Variants in GSS observed in about 807,000 individuals in gnomAD.
The protein encoded by GSS is GSH synthetase.
In GSS, 34 loss-of-function variants were observed where a neutral mutation model predicts 60.4. The observed-to-expected ratio is 0.56, with a 90% CI of 0.43 to 0.75. The LOEUF is 0.75. Ranked by LOEUF, GSS falls within the 30% of genes least tolerant of loss-of-function variation. GSS has a pLI of 0.00. For synonymous variants in GSS, 224 were observed against 239.0 expected, an observed-to-expected ratio of 0.94 and a Z score of 0.58; for missense variants, 499 against 595.1, an observed-to-expected ratio of 0.84 and a Z score of 1.68.
chr20:34,940,976 G>A (rs1018842738), intron 6 of GSS, among the ~76,000 whole-genome samples: 1 of 152,158 alleles, frequency 6.6e-6, no homozygotes, highest in African/African-American at 2.4e-5. Flanking sequence ...ATGGGCATGG[G>A]GGGTGGAGGA....
chr20:34,928,760 C>T lies in GSS; in HGVS notation c.*68G>A. On this transcript the variant is annotated 3_prime_UTR_variant, in exon 13 of 13. Coordinates refer to ENST00000651619, the MANE Select transcript of GSS (RefSeq NM_000178.4). ...ACTTTGGAGGTCTTTAGGAGGATAC[C>T]CCTCAGGAGGGCTAGGAGAGGAATG... 1.3e-6 allele frequency: 2 copies of T among 1,575,410 alleles called. No homozygotes were observed. Among genetic ancestry groups the T allele is most frequent in the East Asian group, 2.2e-5 (1 of 44,598 alleles).
chr20:34,945,156 G>A (rs1266887384), intron 3 of GSS, among the ~76,000 whole-genome samples: 2 of 151,510 alleles, frequency 1.3e-5, no homozygotes, highest in African/African-American at 2.4e-5. Context: ...AAGTAGCTGG[G>A]ATTATAGGCA....
chr20:34,952,166 G>A, intron 1 of GSS: 2 of 414,382 alleles, frequency 4.8e-6, no homozygotes, highest in Non-Finnish European at 9.1e-6. Context: ...GGTGATGACT[G>A]GTATAGCCTG....
chr20:34,935,183 C>A (rs1427437138), intron 9 of GSS, among the ~76,000 whole-genome samples: 2 of 152,052 alleles, frequency 1.3e-5, no homozygotes, highest in Non-Finnish European at 2.9e-5. Context: ...ATATAACTGT[C>A]ATTAACATGA....
At chr20:34,941,977 G>C in intron 5 of GSS, 148 bp from the exon 6 acceptor site, 1 of 713,086 alleles carries the variant, frequency 1.4e-6, no homozygotes, top group Non-Finnish European at 2.6e-6. Context: ...ATCCACTTCA[G>C]GTTGGAATAT....
At chr20:34,954,309 C>T (rs1425933602) in intron 1 of GSS, 4 of 152,380 alleles carry the variant, frequency 2.6e-5, no homozygotes, top group Admixed American at 6.5e-5. Context: ...AATCCCAGCA[C>T]TTTGTGAGGC....
At chr20:34,942,693 G>A in intron 4 of GSS, 66 bp from the exon 5 acceptor site, 1 of 1,482,640 alleles carries the variant, frequency 6.7e-7, no homozygotes, top group Non-Finnish European at 9.4e-7. Flanking sequence ...TAGCCACAGA[G>A]CACACAGGTA....
chr20:34,944,328 T>C (rs745633266), intron 3 of GSS, among the ~76,000 whole-genome samples: 2 of 152,148 alleles, frequency 1.3e-5, no homozygotes, highest in Non-Finnish European at 2.9e-5. Flanking sequence ...ATCATTAGGG[T>C]TATAAGCCAG....
In GSS at chr20:34,951,709, G is replaced by A. The variant is rs933541823; in HGVS notation, c.129+15C>T. The A allele has an allele frequency of 6.3e-7, 1 of 1,595,650 alleles. No homozygotes were observed. Among genetic ancestry groups the A allele is most frequent in the African/African-American group, 1.3e-5 (1 of 74,566 alleles). On this transcript the variant is annotated intron_variant, in intron 2 of 12. Coordinates refer to ENST00000651619, the MANE Select transcript of GSS (RefSeq NM_000178.4). ...GGGCCATGGTGAATGCTGTGGGGAG[G>A]AGCTAGGGGCTTACCTCCGAGGAAG...
In GSS at chr20:34,946,009, G is replaced by A. The variant is rs754624317; in HGVS notation, c.219C>T (p.Asn73=). 2.5e-6 allele frequency: 4 copies of A among 1,614,098 alleles called. No homozygotes were observed. The East Asian group carries it at 8.9e-5, about 36-fold the overall frequency. ...TCTGGCTGACAGCATCCACTAGCAG[G>A]TTGAAGTCCATCTGCACAGCATAGG... ...EQAYAVQMDF[N]LLVDAVSQNA... The change falls in exon 3 of 13, where the codon AAC becomes AAT. Residue 73 remains asparagine, a synonymous_variant. Transcript: ENST00000651619.
chr20:34,941,657 A>G, intron 6 of GSS, 56 bp downstream of exon 6: 1 of 954,364 alleles, frequency 1.0e-6, no homozygotes, highest in Non-Finnish European at 1.7e-6. Context: ...AAGTTGCTAA[A>G]CCCATGAATG....
rs34897984 is a variant in GSS, at chr20:34,936,397, A to C, written c.767+366T>G. Among the ~76,000 whole-genome samples the C allele has an allele frequency of 1.2e-4, 18 of 152,340 alleles. No individual in the cohort carries two copies. In the East Asian group the frequency reaches 3.1e-3, roughly 26 times the overall value. On this transcript the variant is annotated intron_variant, in intron 8 of 12. Transcript: ENST00000651619. ...GGAACACAAATCCAGGCTCGAGCTC[A>C]GACAGTGGCATCCAGACCAATCACA... is the stretch of plus-strand genomic sequence containing the variant.
intron 2 of GSS, among the ~76,000 whole-genome samples, chr20:34,950,376 A>C (rs2081559117): frequency 6.6e-6 from 1 of 152,092 alleles, no homozygotes; most frequent in Admixed American, 6.6e-5. Context: ...CAGAGACAAA[A>C]AAGAATGGGT....
chr20:34,935,668 C>T, intron 8 of GSS, 26 bp from the exon 9 acceptor site: 1 of 1,556,670 alleles, frequency 6.4e-7, no homozygotes, highest in South Asian at 1.1e-5. Context: ...GAGAAGGCTG[C>T]TGTGTTAAAT....
At chr20:34,932,807 TACAC>T (rs966522299) in intron 9 of GSS, among the ~76,000 whole-genome samples, 3 of 151,578 alleles carry the variant, frequency 2.0e-5, no homozygotes, top group Admixed American at 6.6e-5. Context: ...CACACAAACA[TACAC>T]ACACAAATCC....
intron 2 of GSS, among the ~76,000 whole-genome samples, chr20:34,949,104 C>T (rs1163124274): frequency 6.6e-6 from 1 of 152,064 alleles, no homozygotes; most frequent in African/African-American, 2.4e-5. Flanking sequence ...CAACTGTTAA[C>T]AATGCTTGCC....
chr20:34,936,892 C>T (rs1282182267), intron 7 of GSS, 51 bp downstream of exon 7: 1 of 1,604,192 alleles, frequency 6.2e-7, no homozygotes. Flanking sequence ...TTCTGAGTGC[C>T]CCACCCCTAA....
chr20:34,951,415 T>G, intron 2 of GSS: 1 of 363,738 alleles, frequency 2.7e-6, no homozygotes, highest in Non-Finnish European at 5.1e-6. Flanking sequence ...GTGCTTCACA[T>G]GAATCATCCT....
chr20:34,930,713 T>A (rs1569008847), intron 11 of GSS, among the ~76,000 whole-genome samples: 1 of 152,182 alleles, frequency 6.6e-6, no homozygotes, highest in Non-Finnish European at 1.5e-5. Context: ...CCTAATGGCT[T>A]CCCACTGCCC....
Sources: allele counts gnomAD v4.1 joint callset (sites outside exome capture counted in the v4.1 genomes callset), GRCh38; gene constraint gnomAD v4.1.1; transcripts MANE v1.5; gene names NCBI Gene and HGNC (gene_info 2026-07-23, HGNC 2026-07-21).